Variants in FER1L5 observed in about 807,000 individuals in gnomAD.
FER1L5 encodes fer-1 like family member 5, also known as fer-1-like protein 5.
FER1L5 carries 187 observed loss-of-function variants against 279.9 expected under a neutral mutation model. The observed-to-expected ratio is 0.67, with a 90% CI of 0.59 to 0.75. The LOEUF is 0.75. FER1L5 is among the 30% of genes least tolerant of loss of function. The pLI, the probability that FER1L5 is intolerant of heterozygous loss-of-function variation, is 0.00. For missense variants in FER1L5, 2,091 were observed against 2,594.4 expected (o/e 0.81, Z 4.21); for synonymous variants, 921 against 989.7 (o/e 0.93, Z 1.30).
At chr2:96,688,049 G>T in intron 24 of FER1L5, 102 bp downstream of exon 24, 5 of 1,452,866 alleles carry the variant, frequency 3.4e-6, no homozygotes, top group Non-Finnish European at 4.7e-6. Context: ...GATTTGGCGT[G>T]AGAAGGGAGG....
intron 9 of FER1L5, among the ~76,000 whole-genome samples, chr2:96,656,556 G>C: frequency 6.6e-6 from 1 of 152,214 alleles, no homozygotes; most frequent in South Asian, 2.1e-4. Flanking sequence ...TTTGAACCCA[G>C]ATGGTAGAGG....
At chr2:96,695,714 C>T (rs144773829) in intron 35 of FER1L5, 28 bp from the exon 36 acceptor site, 24 of 1,608,774 alleles carry the variant, frequency 1.5e-5, no homozygotes, top group Admixed American at 8.4e-5. Flanking sequence ...GTGGGTCTCA[C>T]GCTCCCCACG....
Position 96,667,470 on chromosome 2 carries a change from C to T in FER1L5, c.1141-1281C>T, listed in dbSNP as rs59028092. 3.9e-4 allele frequency among the ~76,000 whole-genome samples: 60 copies of T among 152,030 alleles called. No individual in the cohort carries two copies. The East Asian group carries it at 7.0e-3, about 18-fold the overall frequency. ...TCAAGTGATTCTCCTGCCTCAGCCT[C>T]CCGAGTAGCTGGGATTACAGGCATG... On this transcript the variant is annotated intron_variant, in intron 14 of 52. Transcript: ENST00000624922.
chr2:96,697,555 G>T lies in FER1L5; in HGVS notation c.4113G>T (p.Trp1371Cys), dbSNP rs1321753238. Reference sequence around the variant, plus strand: ...TAGGCTACCTCTACAGAAAGTTCTGGTTCAAGTCCAGTAAAGCAGAGGTGA... The same window carrying T: ...TAGGCTACCTCTACAGAAAGTTCTGTTTCAAGTCCAGTAAAGCAGAGGTGA... ...DFLGYLYRKF[W>C]FKSSKAEDEY... Residue 1371 changes from tryptophan to cysteine, a missense_variant, in exon 38 of 53, where the codon TGG becomes TGT. Physicochemically the swap from Trp to Cys is radical, Grantham distance 215. Transcript: ENST00000624922. 1.2e-6 allele frequency: 2 copies of T among 1,613,742 alleles called. No individual in the cohort carries two copies. Among genetic ancestry groups the T allele is most frequent in the East Asian group, 2.2e-5 (1 of 44,886 alleles).
intron 21 of FER1L5, 49 bp from the exon 22 acceptor site, chr2:96,685,891 T>C: frequency 1.4e-6 from 2 of 1,471,508 alleles, no homozygotes; most frequent in Non-Finnish European, 1.8e-6. Flanking sequence ...ATGGTGACAC[T>C]GGGAGGCAGT....
intron 51 of FER1L5, 86 bp downstream of exon 51, chr2:96,703,718 G>T (rs558774766): frequency 1.7e-6 from 2 of 1,184,982 alleles, no homozygotes; most frequent in East Asian, 4.9e-5. Context: ...TCATGGAGAG[G>T]TGGTAATTAC....
intron 1 of FER1L5, among the ~76,000 whole-genome samples, chr2:96,645,996 C>CTTTT (rs34639745): frequency 2.3e-4 from 17 of 72,684 alleles, no homozygotes; most frequent in Admixed American, 7.0e-4. Flanking sequence ...TTGAAGTTTT[C>CTTTT]TTTTTTTTTT....
rs749401774 is a variant in FER1L5, at chr2:96,668,982, C to G, written c.1267+14C>G. The G allele has an allele frequency of 1.3e-6, 2 of 1,551,672 alleles. No individual in the cohort carries two copies. The highest frequency in any genetic ancestry group is 1.4e-5 in the African/African-American group (1 of 73,142). ...AAGAGATAGAAGGCAAGCAAAGCCTCGAGCCCACTTCCTACACCCCTCGTC... is the reference window on the plus strand; with the variant it reads ...AAGAGATAGAAGGCAAGCAAAGCCTGGAGCCCACTTCCTACACCCCTCGTC... On this transcript the variant is annotated intron_variant, in intron 16 of 52. Coordinates refer to ENST00000624922, the MANE Select transcript of FER1L5 (RefSeq NM_001293083.2).
chr2:96,667,411 G>T (rs944815077), intron 14 of FER1L5, among the ~76,000 whole-genome samples: 1 of 149,668 alleles, frequency 6.7e-6, no homozygotes, highest in Admixed American at 6.7e-5. Flanking sequence ...GCAATGGCAC[G>T]ATCTCAGCTC....
rs921155282 is a variant in FER1L5, at chr2:96,701,854, C to T, written c.5071-101C>T. The T allele has an allele frequency of 8.8e-6, 10 of 1,141,432 alleles. No homozygotes were observed. In the African/African-American group the frequency reaches 1.4e-4, roughly 16 times the overall value. 70.7% of individuals were successfully genotyped at this position (1,141,432 alleles called of 1,614,324 possible). A position where few individuals can be genotyped will look rare whatever the true frequency, so the allele number is the denominator to read the frequency against. On this transcript the variant is annotated intron_variant, in intron 45 of 52. Coordinates refer to ENST00000624922, the MANE Select transcript of FER1L5 (RefSeq NM_001293083.2). ...ACCCCACCCCTCGGTGTTGGGAACA[C>T]AACCTCAACAGACCTCAGAACCTGG...
Position 96,669,958 on chromosome 2 carries a change from G to A in FER1L5, c.1363-161G>A, listed in dbSNP as rs79765930. Among the ~76,000 whole-genome samples, 15 of 152,268 alleles carry A rather than the reference G, an allele frequency of 9.9e-5. No homozygotes were observed. The East Asian group carries it at 1.7e-3, about 18-fold the overall frequency. On this transcript the variant is annotated intron_variant, in intron 17 of 52. Coordinates refer to ENST00000624922, the MANE Select transcript of FER1L5 (RefSeq NM_001293083.2). ...AGGGCTCAATGCCCAGAGGTTTCCC[G>A]GCGTGGAGGTTTCTGGAATTCTTCT...
intron 42 of FER1L5, 26 bp from the exon 43 acceptor site, chr2:96,699,524 T>C: frequency 6.2e-7 from 1 of 1,603,510 alleles, no homozygotes; most frequent in South Asian, 1.1e-5. Context: ...CCACATCCTC[T>C]GCAGTCTCCA....
chr2:96,695,254 A>G (rs1306173643), intron 34 of FER1L5: 2 of 476,092 alleles, frequency 4.2e-6, no homozygotes, highest in Non-Finnish European at 3.7e-6. Flanking sequence ...TGGAGGATGC[A>G]GCCAGTGGCC....
At chr2:96,679,939 ACGGGCTCACATTGCCT>A (rs1190446849) in intron 19 of FER1L5, among the ~76,000 whole-genome samples, 1 of 151,976 alleles carries the variant, frequency 6.6e-6, no homozygotes, top group Non-Finnish European at 1.5e-5. Flanking sequence ...TCTGAAGTTT[ACGGGCTCACATTGCCT>A]CATAAGCTCC....
intron 51 of FER1L5, 126 bp downstream of exon 51, chr2:96,703,758 C>T: frequency 1.4e-6 from 1 of 717,514 alleles, no homozygotes; most frequent in Non-Finnish European, 2.3e-6. Context: ...TGCTCAGTTA[C>T]AATCAGCAAA....
intron 19 of FER1L5, among the ~76,000 whole-genome samples, chr2:96,677,019 T>G (rs1269856167): frequency 6.6e-6 from 1 of 152,162 alleles, no homozygotes; most frequent in Non-Finnish European, 1.5e-5. Flanking sequence ...TTTTTGTATT[T>G]TTAGTAGAGA....
intron 37 of FER1L5, among the ~76,000 whole-genome samples, chr2:96,696,648 C>G (rs1382491619): frequency 2.0e-5 from 3 of 152,062 alleles, no homozygotes; most frequent in African/African-American, 4.8e-5. Context: ...CATCTGTAAT[C>G]CCAGCACTTT....
rs373446961 is a variant in FER1L5, at chr2:96,689,184, G to A, written c.2362-29G>A. The stretch of plus-strand genomic sequence containing the variant: ...CCCCGCACTTTGTGCTAGAGGAGGC[G>A]GCCGCCCTGACAAGCTTCCCTCCCC... On this transcript the variant is annotated intron_variant, in intron 24 of 52. Transcript: ENST00000624922. The surrounding 1 kb of genome is among the most constrained non-coding windows in gnomAD (Gnocchi z 4.6). 56 of 1,547,182 alleles carry A rather than the reference G, an allele frequency of 3.6e-5. No homozygotes were observed. Among genetic ancestry groups the A allele is most frequent in the East Asian group, 1.2e-4 (5 of 40,744 alleles).
intron 9 of FER1L5, among the ~76,000 whole-genome samples, chr2:96,659,699 G>A (rs1165550584): frequency 6.6e-6 from 1 of 151,178 alleles, no homozygotes; most frequent in African/African-American, 2.4e-5. Flanking sequence ...CACTGCGTTA[G>A]CCAGGATGGT....
Sources: allele counts gnomAD v4.1 joint callset (sites outside exome capture counted in the v4.1 genomes callset), GRCh38; gene constraint gnomAD v4.1.1; non-coding constraint Gnocchi (gnomAD v3.1); transcripts MANE v1.5; gene names NCBI Gene and HGNC (gene_info 2026-07-23, HGNC 2026-07-21).